Variants in NTM observed in about 807,000 individuals in gnomAD.
NTM encodes IgLON family member 2.
In NTM, 13 loss-of-function variants were observed where a neutral mutation model predicts 42.1. The observed-to-expected ratio is 0.31, with a 90% CI of 0.20 to 0.49. NTM has a LOEUF of 0.49. Among genes scored for constraint, NTM ranks in the 20% least tolerant of loss-of-function variants. The probability of loss-of-function intolerance (pLI) is 0.99; values close to 1 mark genes in which losing one functional copy is unlikely to be tolerated. For missense variants in NTM, 373 were observed against 452.8 expected, an observed-to-expected ratio of 0.82 and a Z score of 1.60; for synonymous variants, 187 against 179.2, an observed-to-expected ratio of 1.04 and a Z score of -0.35.
At chr11:131,436,826 C>CT (rs1430346690) in intron 1 of NTM, among the ~76,000 whole-genome samples, 5 of 152,102 alleles carry the variant, frequency 3.3e-5, no homozygotes. Flanking sequence ...CTTCTGCTAG[C>CT]TTTTGAATTT....
At chr11:131,683,092 T>G (rs2073254938) in intron 1 of NTM, among the ~76,000 whole-genome samples, 1 of 152,210 alleles carries the variant, frequency 6.6e-6, no homozygotes, top group African/African-American at 2.4e-5. Flanking sequence ...ACAGCAATTA[T>G]TATTCATTAT....
chr11:131,424,726 A>T lies in NTM; in HGVS notation c.82+53838A>T, dbSNP rs1345089994. ...AGGCACCCACCACCATGCCTGGCTAATTTTTTTTTTTTTTTTGTATTTTTA... is the reference window on the plus strand; with the variant it reads ...AGGCACCCACCACCATGCCTGGCTATTTTTTTTTTTTTTTTTGTATTTTTA... On this transcript the variant is annotated intron_variant, in intron 1 of 8. Transcript: ENST00000683400. Among the ~76,000 whole-genome samples, 254 of 122,192 alleles carry T rather than the reference A, an allele frequency of 2.1e-3. 3 individuals are homozygous for T. The highest frequency in any genetic ancestry group is 7.4e-3 in the African/African-American group (236 of 31,838). 80.2% of individuals were successfully genotyped at this position (122,192 alleles called of 152,430 possible).
chr11:131,838,540 T>C (rs2043809509), intron 1 of NTM, among the ~76,000 whole-genome samples: 1 of 152,176 alleles, frequency 6.6e-6, no homozygotes, highest in Non-Finnish European at 1.5e-5. Flanking sequence ...TCTTTTGATG[T>C]TGTTGTGAGA....
chr11:132,040,315 G>T (rs188383036), intron 2 of NTM, among the ~76,000 whole-genome samples: 65 of 152,258 alleles, frequency 4.3e-4, no homozygotes, highest in Non-Finnish European at 1.0e-4. Context: ...TGGGAAATGG[G>T]CCCTAGCAAG....
intron 1 of NTM, chr11:131,537,297 C>CAG (rs1361395909): frequency 6.6e-6 from 1 of 152,114 alleles, no homozygotes; most frequent in Non-Finnish European, 1.5e-5. Flanking sequence ...TGATAAAGAC[C>CAG]AGAGAGCTTG....
At chr11:131,521,406 T>C (rs1591920927) in intron 1 of NTM, among the ~76,000 whole-genome samples, 3 of 65,130 alleles carry the variant, frequency 4.6e-5, no homozygotes, top group East Asian at 6.3e-4. Context: ...TTTTTTTTTT[T>C]TTTTTTTTTT....
intron 1 of NTM, among the ~76,000 whole-genome samples, chr11:131,818,157 A>G (rs1404744487): frequency 6.6e-6 from 1 of 152,146 alleles, no homozygotes; most frequent in Non-Finnish European, 1.5e-5. Flanking sequence ...TTCACGCTGC[A>G]GTGCATCCTT....
intron 2 of NTM, among the ~76,000 whole-genome samples, chr11:131,968,736 C>T (rs1359335378): frequency 6.6e-6 from 1 of 152,168 alleles, no homozygotes; most frequent in African/African-American, 2.4e-5. Flanking sequence ...GGTGATAATT[C>T]CTTTTTCACT....
intron 1 of NTM, among the ~76,000 whole-genome samples, chr11:131,574,084 G>T: frequency 6.6e-6 from 1 of 152,200 alleles, no homozygotes; most frequent in East Asian, 1.9e-4. Flanking sequence ...GCAGGTGTGG[G>T]AGCTAGACGC....
chr11:131,989,615 A>G (rs2066660371), intron 2 of NTM, among the ~76,000 whole-genome samples: 1 of 152,148 alleles, frequency 6.6e-6, no homozygotes, highest in African/African-American at 2.4e-5. Context: ...TCTAATGTGT[A>G]TCAGTCAGAT....
intron 2 of NTM, among the ~76,000 whole-genome samples, chr11:132,135,033 T>G (rs79585577): frequency 0.025 from 3,771 of 152,140 alleles, 95 homozygotes; most frequent in Middle Eastern, 0.037. Flanking sequence ...TGCCACCCAC[T>G]GAACTCCCCA....
chr11:131,789,501 AAGAAGAAGAAGAAG>A (rs2090127656), intron 1 of NTM, among the ~76,000 whole-genome samples: 1 of 8,224 alleles, frequency 1.2e-4, no homozygotes, highest in African/African-American at 5.6e-4. Flanking sequence ...AGGAAAGAAG[AAGAAGAAGAAGAAG>A]AAGAAGAAGA....
intron 1 of NTM, among the ~76,000 whole-genome samples, chr11:131,825,189 C>T (rs1474994985): frequency 6.6e-6 from 1 of 152,174 alleles, no homozygotes; most frequent in Non-Finnish European, 1.5e-5. Flanking sequence ...TTCATCTTCA[C>T]AAGGTGTTCT....
intron 1 of NTM, among the ~76,000 whole-genome samples, chr11:131,659,555 T>G (rs952668310): frequency 6.6e-6 from 1 of 152,240 alleles, no homozygotes; most frequent in East Asian, 1.9e-4. Context: ...TTTACATTCA[T>G]AATGAGAGAA....
chr11:132,217,470 C>T (rs1324293662), intron 4 of NTM, among the ~76,000 whole-genome samples: 1 of 149,526 alleles, frequency 6.7e-6, no homozygotes, highest in African/African-American at 2.5e-5. Flanking sequence ...TTTCTCTCTG[C>T]CTCCTGATAT....
At chr11:131,770,355 T>C (rs1344689965) in intron 1 of NTM, among the ~76,000 whole-genome samples, 1 of 152,150 alleles carries the variant, frequency 6.6e-6, no homozygotes, top group Non-Finnish European at 1.5e-5. Context: ...AGTGTAGGCT[T>C]AGAGAGCTGG....
intron 2 of NTM, among the ~76,000 whole-genome samples, chr11:131,926,344 G>A (rs973730293): frequency 3.9e-5 from 6 of 152,286 alleles, no homozygotes; most frequent in Middle Eastern, 3.4e-3. Context: ...GCATCACATG[G>A]TGGAAAGTAT....
intron 1 of NTM, among the ~76,000 whole-genome samples, chr11:131,387,923 G>A (rs1417221414): frequency 6.6e-6 from 1 of 152,226 alleles, no homozygotes; most frequent in East Asian, 1.9e-4. Flanking sequence ...AAAGGAGTCT[G>A]TGACATCTAG....
At chr11:132,127,306 C>T (rs2087720528) in intron 2 of NTM, among the ~76,000 whole-genome samples, 1 of 152,176 alleles carries the variant, frequency 6.6e-6, no homozygotes, top group Admixed American at 6.6e-5. Context: ...TCCTGATAAG[C>T]GAGTCAGAAT....
Sources: allele counts gnomAD v4.1 joint callset (sites outside exome capture counted in the v4.1 genomes callset), GRCh38; gene constraint gnomAD v4.1.1; transcripts MANE v1.5; gene names NCBI Gene and HGNC (gene_info 2026-07-23, HGNC 2026-07-21).